KDM3B: variants seen among roughly 807,000 people sequenced by gnomAD.
The protein encoded by KDM3B is lysine demethylase 3B, also known as lysine-specific demethylase 3B.
Under a neutral mutation model 170.0 loss-of-function variants are expected in KDM3B, and 10 were observed. That is an observed-to-expected ratio of 0.06 (90% confidence interval 0.04 to 0.10). The LOEUF (loss-of-function observed/expected upper bound fraction) is 0.10. Among genes scored for constraint, KDM3B ranks in the 10% least tolerant of loss-of-function variants. The pLI is 1.00. For missense variants in KDM3B, 1,394 were observed against 2,195.2 expected, an observed-to-expected ratio of 0.64 and a Z score of 7.29; for synonymous variants, 831 against 834.8, an observed-to-expected ratio of 1.00 and a Z score of 0.08.
At chr5:138,390,904 T>C (rs1388812269) in intron 7 of KDM3B, 109 bp from the exon 8 acceptor site, 4 of 1,073,932 alleles carry the variant, frequency 3.7e-6, no homozygotes, top group Non-Finnish European at 5.3e-6. Context: ...AAGAGAAAAG[T>C]TGATGGACCC....
At chr5:138,416,275 A>G (rs999628097) in intron 12 of KDM3B, among the ~76,000 whole-genome samples, 1 of 151,790 alleles carries the variant, frequency 6.6e-6, no homozygotes, top group Admixed American at 6.6e-5. Context: ...ACTACTGCCT[A>G]TATTATCCTC....
chr5:138,414,411 C>T (rs1239423640), intron 11 of KDM3B, among the ~76,000 whole-genome samples: 5 of 152,120 alleles, frequency 3.3e-5, no homozygotes, highest in Non-Finnish European at 7.4e-5. Context: ...ATGATCCGCC[C>T]GCCTCGGCCT....
At chr5:138,433,631 A>T (rs1323857194) in intron 23 of KDM3B, among the ~76,000 whole-genome samples, 2 of 151,390 alleles carry the variant, frequency 1.3e-5, no homozygotes, top group Non-Finnish European at 2.9e-5. Flanking sequence ...CTGGTCTCGA[A>T]CTCCCGACCT....
intron 23 of KDM3B, 40 bp from the exon 24 acceptor site, chr5:138,435,580 G>A (rs1319105562): frequency 1.3e-6 from 2 of 1,508,702 alleles, no homozygotes; most frequent in Non-Finnish European, 1.8e-6. Context: ...ACATTTGCAT[G>A]GGGCTGCTGT....
At chr5:138,426,934 C>A in intron 17 of KDM3B, 41 bp from the exon 18 acceptor site, 1 of 1,493,618 alleles carries the variant, frequency 6.7e-7, no homozygotes, top group South Asian at 1.1e-5. Flanking sequence ...GGACACCAGC[C>A]AAACCAGCAG....
At chr5:138,382,975 A>G (rs1762163085) in intron 6 of KDM3B, among the ~76,000 whole-genome samples, 1 of 152,036 alleles carries the variant, frequency 6.6e-6, no homozygotes, top group Admixed American at 6.6e-5. Context: ...GCCAAATAGA[A>G]CTGGGGAGTA....
intron 1 of KDM3B, among the ~76,000 whole-genome samples, chr5:138,357,808 T>TC (rs1554125189): frequency 3.3e-4 from 49 of 149,468 alleles, no homozygotes; most frequent in Admixed American, 6.6e-4. Flanking sequence ...CAACCTCTGC[T>TC]TCCTAGGTTC....
chr5:138,378,793 A>G (rs1762058187), intron 4 of KDM3B, among the ~76,000 whole-genome samples: 1 of 144,188 alleles, frequency 6.9e-6, no homozygotes, highest in African/African-American at 2.5e-5. Context: ...TATAGATTAT[A>G]TATATCATGA....
At chr5:138,400,163 TG>T in intron 11 of KDM3B, 151 bp downstream of exon 11, 1 of 654,716 alleles carries the variant, frequency 1.5e-6, no homozygotes, top group Non-Finnish European at 2.5e-6. Context: ...GACCTTAAAA[TG>T]GCAAATATTT....
At chr5:138,415,624 T>A (rs1763083214) in intron 12 of KDM3B, among the ~76,000 whole-genome samples, 2 of 151,714 alleles carry the variant, frequency 1.3e-5, no homozygotes, top group South Asian at 4.2e-4. Flanking sequence ...TTAAATTTTT[T>A]TTTTTTTCAG....
rs1379518518 is a variant in KDM3B, at chr5:138,391,146, T to C, written c.1514T>C (p.Phe505Ser). Reference sequence around the variant, plus strand: ...GCCACAGAGAACAAACCTTTGGGCTTCTCTTTTGGCTGTAGCTCTGCACAA... The same window carrying C: ...GCCACAGAGAACAAACCTTTGGGCTCCTCTTTTGGCTGTAGCTCTGCACAA... ...VLATENKPLG[F>S]SFGCSSAQEA... Residue 505 changes from phenylalanine to serine, a missense_variant, in exon 8 of 24, where the codon TTC (phenylalanine) becomes TCC (serine). This residue lies in a region of KDM3B where 294 missense variants were observed against 311.7 expected (regional missense o/e 0.94). Transcript: ENST00000314358. This position sits in a 1 kb window ranked among gnomAD's most constrained non-coding sequence, Gnocchi z 5.0. 1.2e-6 allele frequency: 2 copies of C among 1,614,158 alleles called. No homozygotes were observed. The highest frequency in any genetic ancestry group is 1.7e-6 in the Non-Finnish European group (2 of 1,180,000).
At chr5:138,394,247 A>C (rs1428905969) in intron 9 of KDM3B, among the ~76,000 whole-genome samples, 4 of 152,224 alleles carry the variant, frequency 2.6e-5, no homozygotes, top group East Asian at 1.9e-4. Context: ...GGTGGCACAC[A>C]CCTGTAATTC....
intron 9 of KDM3B, among the ~76,000 whole-genome samples, chr5:138,394,568 G>T (rs184103605): frequency 2.8e-4 from 42 of 152,292 alleles, no homozygotes; most frequent in Admixed American, 2.3e-3. Flanking sequence ...CCAGACAGGT[G>T]CAAGCATCCC....
intron 14 of KDM3B, 148 bp downstream of exon 14, chr5:138,419,380 G>A (rs1288492528): frequency 1.9e-6 from 2 of 1,037,354 alleles, no homozygotes; most frequent in Non-Finnish European, 1.4e-6. Flanking sequence ...CCGGGGCCTG[G>A]CGTGGTGGCT....
intron 7 of KDM3B, among the ~76,000 whole-genome samples, chr5:138,389,782 C>CTCTGTGTGTGTGTG (rs1554128165): frequency 3.5e-5 from 5 of 143,466 alleles, no homozygotes; most frequent in African/African-American, 1.3e-4. Flanking sequence ...CTCTCTCTCT[C>CTCTGTGTGTGTGTG]TGTGTGTGTG....
In KDM3B at chr5:138,386,546, G is replaced by A; in HGVS notation, c.1305G>A (p.Arg435=). The A allele has an allele frequency of 6.2e-7, 1 of 1,614,214 alleles. No individual in the cohort carries two copies. Among genetic ancestry groups the A allele is most frequent in the Non-Finnish European group, 8.5e-7 (1 of 1,180,040 alleles). ...TTASSTPNTV[R]ISDTGLAAGT... is the part of the protein sequence containing the mutation. ...CCAGCTCCACCCCAAACACAGTGAG[G>A]ATCTCAGACACTGGCCTTGCAGCAG... The change falls in exon 7 of 24, where the codon AGG becomes AGA. Residue 435 remains arginine, a synonymous_variant. Coordinates refer to ENST00000314358, the MANE Select transcript of KDM3B (RefSeq NM_016604.4).
At chr5:138,434,112 A>G (rs567614413) in intron 23 of KDM3B, among the ~76,000 whole-genome samples, 1 of 152,244 alleles carries the variant, frequency 6.6e-6, no homozygotes, top group African/African-American at 2.4e-5. Context: ...TTCCCGAGCT[A>G]GGGATGTTGG....
At chr5:138,405,675 C>T (rs1762800488) in intron 11 of KDM3B, among the ~76,000 whole-genome samples, 1 of 152,108 alleles carries the variant, frequency 6.6e-6, no homozygotes, top group Admixed American at 6.6e-5. Flanking sequence ...GAAGAACATC[C>T]TACATGGTAT....
At chr5:138,433,409 G>GT (rs370681826) in intron 23 of KDM3B, among the ~76,000 whole-genome samples, 2,238 of 126,502 alleles carry the variant, frequency 0.018, 29 homozygotes, top group East Asian at 0.034. Context: ...CACTGCGGCT[G>GT]TTTTTTTTTT....
Sources: gnomAD v4.1 joint callset for allele counts (sites outside exome capture counted in the v4.1 genomes callset) on GRCh38, gnomAD v4.1.1 for gene constraint, gnomAD v4.1.1 regional missense constraint, Gnocchi (gnomAD v3.1) non-coding constraint, MANE v1.5 for transcripts, NCBI Gene and HGNC (gene_info 2026-07-23, HGNC 2026-07-21) for gene names.